LDB2: variants seen among roughly 807,000 people sequenced by gnomAD.
LDB2 encodes the protein LIM domain-binding protein 2.
In LDB2, 12 loss-of-function variants were observed where a neutral mutation model predicts 44.3. That is an observed-to-expected ratio of 0.27 (90% confidence interval 0.17 to 0.44). LDB2 has a LOEUF of 0.44. Ranked by LOEUF, LDB2 falls within the 20% of genes least tolerant of loss-of-function variation. LDB2 has a pLI of 1.00. For synonymous variants in LDB2, 164 were observed against 174.8 expected, an observed-to-expected ratio of 0.94 and a Z score of 0.49; for missense variants, 344 against 473.5, an observed-to-expected ratio of 0.73 and a Z score of 2.54.
chr4:16,848,615 A>G (rs1787561538), intron 1 of LDB2, among the ~76,000 whole-genome samples: 1 of 152,196 alleles, frequency 6.6e-6, no homozygotes, highest in Admixed American at 6.5e-5. Flanking sequence ...CAGAAGCTGC[A>G]GCGTCATACA....
At chr4:16,658,357 G>C (rs142641673) in intron 2 of LDB2, among the ~76,000 whole-genome samples, 2 of 152,152 alleles carry the variant, frequency 1.3e-5, no homozygotes, top group African/African-American at 2.4e-5. Flanking sequence ...CATCCTTGAG[G>C]CCTCTCTTAT....
chr4:16,616,188 G>A (rs752998868), intron 2 of LDB2, among the ~76,000 whole-genome samples: 25 of 152,208 alleles, frequency 1.6e-4, no homozygotes, highest in African/African-American at 4.1e-4. Flanking sequence ...TTTGTTACTG[G>A]TTATTCTCTC....
intron 5 of LDB2, among the ~76,000 whole-genome samples, chr4:16,522,104 C>T (rs1447634402): frequency 6.6e-6 from 1 of 151,824 alleles, no homozygotes. Context: ...GAAACAAGCA[C>T]ATTTATTTGA....
At chr4:16,869,401 A>C (rs1008541994) in intron 1 of LDB2, among the ~76,000 whole-genome samples, 21 of 152,128 alleles carry the variant, frequency 1.4e-4, no homozygotes, top group Non-Finnish European at 3.1e-4. Context: ...AACTTTCTTC[A>C]GAAATGAGGG....
At chr4:16,624,026 T>C (rs1269718939) in intron 2 of LDB2, among the ~76,000 whole-genome samples, 2 of 152,196 alleles carry the variant, frequency 1.3e-5, no homozygotes, top group Admixed American at 1.3e-4. Context: ...TTTTTGCCAG[T>C]TCTAGCTTCA....
intron 5 of LDB2, among the ~76,000 whole-genome samples, chr4:16,540,241 C>G (rs1479686783): frequency 6.6e-6 from 1 of 152,090 alleles, no homozygotes; most frequent in Non-Finnish European, 1.5e-5. Context: ...CAAACCATAT[C>G]AGTGGGCTTG....
intron 5 of LDB2, among the ~76,000 whole-genome samples, chr4:16,579,109 A>T (rs780240928): frequency 2.0e-5 from 3 of 152,180 alleles, no homozygotes; most frequent in Non-Finnish European, 4.4e-5. Context: ...AGAATTTTAA[A>T]AATCTAGCAC....
At chr4:16,577,658 T>C (rs1306566002) in intron 5 of LDB2, among the ~76,000 whole-genome samples, 1 of 152,104 alleles carries the variant, frequency 6.6e-6, no homozygotes, top group African/African-American at 2.4e-5. Context: ...AAGCAATCTA[T>C]AGATTTAATG....
At chr4:16,581,370 T>G (rs1307007686) in intron 5 of LDB2, 1 of 975,672 alleles carries the variant, frequency 1.0e-6, no homozygotes, top group Non-Finnish European at 1.2e-6. Context: ...ACTGTTTAAC[T>G]TACTCCCAAG....
intron 5 of LDB2, among the ~76,000 whole-genome samples, chr4:16,584,064 C>G (rs1218592078): frequency 6.6e-6 from 1 of 152,186 alleles, no homozygotes; most frequent in African/African-American, 2.4e-5. Flanking sequence ...GCATTAGACA[C>G]CCCCAGAGTG....
chr4:16,659,067 C>T (rs1740722822), intron 2 of LDB2, among the ~76,000 whole-genome samples: 1 of 152,214 alleles, frequency 6.6e-6, no homozygotes, highest in Non-Finnish European at 1.5e-5. Context: ...TTGGGGTTCT[C>T]TTTGAAACAT....
intron 2 of LDB2, among the ~76,000 whole-genome samples, chr4:16,669,245 G>A (rs1021910760): frequency 1.4e-4 from 21 of 152,276 alleles, no homozygotes; most frequent in African/African-American, 4.8e-4. Context: ...TGATAGAAGT[G>A]GGACTCCAGC....
chr4:16,551,231 C>G (rs1354094890), intron 5 of LDB2, among the ~76,000 whole-genome samples: 1 of 152,118 alleles, frequency 6.6e-6, no homozygotes, highest in Non-Finnish European at 1.5e-5. Flanking sequence ...AATAAAAAGA[C>G]TCAAGTATTC....
rs77538708 is a variant in LDB2 at position 16,704,719 on chromosome 4, A to G, written c.235+54439T>C. 5.5e-3 allele frequency among the ~76,000 whole-genome samples: 831 copies of G among 152,352 alleles called. 3 individuals are homozygous for G. The highest frequency in any genetic ancestry group is 0.019 in the African/African-American group (786 of 41,584). On this transcript the variant is annotated intron_variant, in intron 2 of 7. Transcript: ENST00000304523. ...GCCTCTGATAAATTATTAATAGACAATGATGCATGCTATGTGTGTTCTCTA... is the reference window on the plus strand; with the variant it reads ...GCCTCTGATAAATTATTAATAGACAGTGATGCATGCTATGTGTGTTCTCTA...
At chr4:16,741,193 T>C (rs547252452) in intron 2 of LDB2, among the ~76,000 whole-genome samples, 9 of 152,326 alleles carry the variant, frequency 5.9e-5, no homozygotes, top group African/African-American at 1.7e-4. Flanking sequence ...TGGAAAACTG[T>C]TGTTTTGAAA....
intron 5 of LDB2, among the ~76,000 whole-genome samples, chr4:16,575,760 C>T (rs767388964): frequency 1.1e-4 from 17 of 152,196 alleles, no homozygotes; most frequent in African/African-American, 3.4e-4. Flanking sequence ...TTTTTTGAGA[C>T]GGAGTCTCGC....
intron 1 of LDB2, among the ~76,000 whole-genome samples, chr4:16,850,947 AGT>A (rs71181193): frequency 0.021 from 3,022 of 143,090 alleles, 57 homozygotes; most frequent in Non-Finnish European, 0.03. Flanking sequence ...TAAAACCATA[AGT>A]GTGTGTGTGT....
chr4:16,693,347 C>CTTTTTTTTTTTTTTTTTT, intron 2 of LDB2, among the ~76,000 whole-genome samples: 1 of 112,126 alleles, frequency 8.9e-6, no homozygotes, highest in African/African-American at 3.5e-5. Context: ...AGCAATAGTT[C>CTTTTTTTTTTTTTTTTTT]TTTTTTTTTT....
At chr4:16,679,607 T>C (rs1451685887) in intron 2 of LDB2, among the ~76,000 whole-genome samples, 1 of 152,166 alleles carries the variant, frequency 6.6e-6, no homozygotes, top group Non-Finnish European at 1.5e-5. Flanking sequence ...GGGATTTGAA[T>C]GTCTGTGAGC....
Sources: allele counts gnomAD v4.1 joint callset (sites outside exome capture counted in the v4.1 genomes callset), GRCh38; gene constraint gnomAD v4.1.1; transcripts MANE v1.5; gene names NCBI Gene and HGNC (gene_info 2026-07-23, HGNC 2026-07-21).